ERI3: variants seen among roughly 807,000 people sequenced by gnomAD.
The protein encoded by ERI3 is ERI1 exoribonuclease 3.
Under a neutral mutation model 44.4 loss-of-function variants are expected in ERI3, and 18 were observed. That is an observed-to-expected ratio of 0.41 (90% CI 0.28 to 0.60). The LOEUF is 0.60. Ranked by LOEUF, ERI3 falls within the 20% of genes least tolerant of loss-of-function variation. The probability of loss-of-function intolerance (pLI) is 0.36; values close to 1 mark genes in which losing one functional copy is unlikely to be tolerated. For synonymous variants in ERI3, 183 were observed against 164.8 expected, an observed-to-expected ratio of 1.11 and a Z score of -0.84; for missense variants, 294 against 435.5, an observed-to-expected ratio of 0.68 and a Z score of 2.89.
intron 6 of ERI3, among the ~76,000 whole-genome samples, chr1:44,294,911 C>T (rs1645579655): frequency 6.6e-6 from 1 of 152,212 alleles, no homozygotes. Flanking sequence ...CCTCTGGAGG[C>T]TCCGCAGAGA....
rs189828415 is a variant in ERI3 at position 44,350,331 on chromosome 1, G to A, written c.211+2519C>T. Among the ~76,000 whole-genome samples the A allele has an allele frequency of 5.3e-3, 809 of 151,420 alleles. 10 individuals are homozygous for A. Among genetic ancestry groups the A allele is most frequent in the African/African-American group, 0.018 (759 of 41,252 alleles). On this transcript the variant is annotated intron_variant, in intron 2 of 8. Coordinates refer to ENST00000372257, the MANE Select transcript of ERI3 (RefSeq NM_024066.3). ...GGCTGGAGTAAAGTGGCACAATCTC[G>A]GCTCACTGCAACCTCCACTTCCCAG...
intron 4 of ERI3, among the ~76,000 whole-genome samples, chr1:44,314,887 C>T (rs531568909): frequency 1.1e-4 from 16 of 152,346 alleles, no homozygotes; most frequent in South Asian, 1.0e-3. Context: ...CAACTAGTAC[C>T]GAGAGCCTCT....
intron 8 of ERI3, among the ~76,000 whole-genome samples, chr1:44,224,796 G>A (rs1643995686): frequency 6.6e-6 from 1 of 152,130 alleles, no homozygotes; most frequent in African/African-American, 2.4e-5. Context: ...GGTCTAACTT[G>A]TTGCAACTGG....
At chr1:44,325,721 G>C (rs539420132) in intron 3 of ERI3, among the ~76,000 whole-genome samples, 9 of 151,980 alleles carry the variant, frequency 5.9e-5, no homozygotes, top group African/African-American at 2.2e-4. Context: ...GAGTACGGTG[G>C]CATGATCTCG....
chr1:44,274,881 G>T (rs903359969), intron 7 of ERI3, among the ~76,000 whole-genome samples: 1 of 149,988 alleles, frequency 6.7e-6, no homozygotes, highest in Admixed American at 6.6e-5. Flanking sequence ...TGCTCTATGC[G>T]TGTGTTTTTT....
intron 3 of ERI3, among the ~76,000 whole-genome samples, chr1:44,332,412 C>T (rs1646449183): frequency 6.6e-6 from 1 of 152,124 alleles, no homozygotes; most frequent in South Asian, 2.1e-4. Context: ...ATTTTGTTAC[C>T]AGTGACCCAG....
rs1190295754 is a variant in ERI3 at position 44,227,630 on chromosome 1, T to C, written c.932-5990A>G. Among the ~76,000 whole-genome samples the C allele has an allele frequency of 2.0e-5, 3 of 152,308 alleles. No individual in the cohort carries two copies. In the East Asian group the frequency reaches 5.8e-4, roughly 29 times the overall value. ...GTCCTGTATTATTTGTAACCCTGTA[T>C]TATCTGGCAACTCTGTGATGGGGAC... On this transcript the variant is annotated intron_variant, in intron 8 of 8. Coordinates refer to ENST00000372257, the MANE Select transcript of ERI3 (RefSeq NM_024066.3).
intron 2 of ERI3, among the ~76,000 whole-genome samples, chr1:44,346,951 A>G (rs931568843): frequency 1.3e-5 from 2 of 152,058 alleles, no homozygotes; most frequent in Non-Finnish European, 2.9e-5. Context: ...CTGAAAATCT[A>G]CTCCAAGCCA....
At chr1:44,242,703 C>T (rs1025402003) in intron 8 of ERI3, among the ~76,000 whole-genome samples, 2 of 152,196 alleles carry the variant, frequency 1.3e-5, no homozygotes, top group African/African-American at 4.8e-5. Context: ...CACCCCCTTT[C>T]CTTGCCTATG....
chr1:44,224,602 A>G (rs956243555), intron 8 of ERI3, among the ~76,000 whole-genome samples: 1 of 152,226 alleles, frequency 6.6e-6, no homozygotes, highest in Non-Finnish European at 1.5e-5. Flanking sequence ...GCTGTTCTTT[A>G]TGCTTGGAAT....
At chr1:44,351,787 A>T (rs576328799) in intron 2 of ERI3, among the ~76,000 whole-genome samples, 1 of 151,994 alleles carries the variant, frequency 6.6e-6, no homozygotes, top group African/African-American at 2.4e-5. Flanking sequence ...ACTTTCTCAA[A>T]TTCAACAAAG....
chr1:44,298,546 G>T (rs1206889678), intron 6 of ERI3, among the ~76,000 whole-genome samples: 2 of 152,156 alleles, frequency 1.3e-5, no homozygotes, highest in Non-Finnish European at 2.9e-5. Context: ...ATACTACACA[G>T]AAATATAATA....
intron 7 of ERI3, among the ~76,000 whole-genome samples, chr1:44,258,527 G>A (rs995346632): frequency 3.9e-5 from 6 of 152,144 alleles, no homozygotes; most frequent in Admixed American, 1.3e-4. Context: ...GAACTACCAT[G>A]TGCCAAGCCC....
chr1:44,235,482 T>G lies in ERI3; in HGVS notation c.931+12457A>C, dbSNP rs909931433. On this transcript the variant is annotated intron_variant, in intron 8 of 8. Transcript: ENST00000372257. The surrounding 1 kb of genome is among the most constrained non-coding windows in gnomAD (Gnocchi z 4.6). ...CTCTCCTTCACCTCCTGCTAGACCA[T>G]GAACTCTTTGAGGGCACAGGTGTTA... Among the ~76,000 whole-genome samples, 1 of 152,114 alleles carries G rather than the reference T, an allele frequency of 6.6e-6. No homozygotes were observed. The highest frequency in any genetic ancestry group is 2.4e-5 in the African/African-American group (1 of 41,414).
At chr1:44,326,636 C>T (rs752522381) in intron 3 of ERI3, among the ~76,000 whole-genome samples, 9 of 152,126 alleles carry the variant, frequency 5.9e-5, no homozygotes, top group African/African-American at 1.2e-4. Flanking sequence ...CTTTGTGCTT[C>T]GGGTCATCTT....
At chr1:44,333,215 G>C (rs992751076) in intron 3 of ERI3, among the ~76,000 whole-genome samples, 1 of 152,188 alleles carries the variant, frequency 6.6e-6, no homozygotes, top group African/African-American at 2.4e-5. Flanking sequence ...TAGTTGCTGT[G>C]GGAAGCATAA....
At chr1:44,284,128 A>T (rs757659232) in intron 7 of ERI3, 3 of 467,718 alleles carry the variant, frequency 6.4e-6, no homozygotes, top group Non-Finnish European at 1.3e-5. Flanking sequence ...CTCCTGGAGC[A>T]AGGATTCCTC....
intron 2 of ERI3, among the ~76,000 whole-genome samples, chr1:44,350,213 G>A (rs139736399): frequency 2.2e-3 from 339 of 152,220 alleles, no homozygotes; most frequent in African/African-American, 7.9e-3. Flanking sequence ...CTCCTTCCAG[G>A]GCTCCGTTTA....
At chr1:44,319,860 A>G in intron 3 of ERI3, 116 bp from the exon 4 acceptor site, 1 of 777,202 alleles carries the variant, frequency 1.3e-6, no homozygotes, top group Non-Finnish European at 2.2e-6. Context: ...TTTTGGGTTC[A>G]TTAGCTCCTG....
Sources: gnomAD v4.1 joint callset for allele counts (sites outside exome capture counted in the v4.1 genomes callset) on GRCh38, gnomAD v4.1.1 for gene constraint, Gnocchi (gnomAD v3.1) non-coding constraint, MANE v1.5 for transcripts, NCBI Gene and HGNC (gene_info 2026-07-23, HGNC 2026-07-21) for gene names.